GNAL: variants seen among roughly 807,000 people sequenced by gnomAD.
GNAL encodes G protein subunit alpha L.
In GNAL, 18 loss-of-function variants were observed where a neutral mutation model predicts 55.1. The observed-to-expected ratio is 0.33, with a 90% CI of 0.23 to 0.48. The LOEUF (loss-of-function observed/expected upper bound fraction) is 0.48. Ranked by LOEUF, GNAL falls within the 20% of genes least tolerant of loss-of-function variation. The probability of loss-of-function intolerance (pLI) is 0.99; values close to 1 mark genes in which losing one functional copy is unlikely to be tolerated. For missense variants in GNAL, 412 were observed against 614.1 expected (o/e 0.67, Z 3.48); for synonymous variants, 253 against 237.0 (o/e 1.07, Z -0.62).
At chr18:11,718,857 TC>T (rs2032031627) in intron 1 of GNAL, among the ~76,000 whole-genome samples, 1 of 152,260 alleles carries the variant, frequency 6.6e-6, no homozygotes, top group Non-Finnish European at 1.5e-5. Flanking sequence ...TGGCTTTTTT[TC>T]ATTATAGTTT....
At chr18:11,754,927 G>A (rs2032990700) in intron 4 of GNAL, among the ~76,000 whole-genome samples, 3 of 152,146 alleles carry the variant, frequency 2.0e-5, no homozygotes, top group African/African-American at 7.2e-5. Flanking sequence ...ATGTTTCAAA[G>A]GAAAAGTATT....
At chr18:11,702,332 C>G (rs1001785176) in intron 1 of GNAL, 1 of 152,212 alleles carries the variant, frequency 6.6e-6, no homozygotes, top group African/African-American at 2.4e-5. Context: ...AGTGCTGATC[C>G]CAGAGCCGGC....
At chr18:11,716,702 G>T (rs1273669291) in intron 1 of GNAL, among the ~76,000 whole-genome samples, 1 of 152,204 alleles carries the variant, frequency 6.6e-6, no homozygotes, top group African/African-American at 2.4e-5. Context: ...ACCCACCAGA[G>T]TAGCTAGATA....
At chr18:11,707,858 G>A (rs1392061993) in intron 1 of GNAL, among the ~76,000 whole-genome samples, 1 of 152,202 alleles carries the variant, frequency 6.6e-6, no homozygotes, top group Non-Finnish European at 1.5e-5. Context: ...ATGTTATGGA[G>A]ACAACTGTTT....
intron 5 of GNAL, among the ~76,000 whole-genome samples, chr18:11,831,952 T>C (rs2143689530): frequency 6.6e-6 from 1 of 152,342 alleles, no homozygotes; most frequent in Admixed American, 6.5e-5. Context: ...ATACTGTGTT[T>C]TCTGTAAAAG....
intron 1 of GNAL, among the ~76,000 whole-genome samples, chr18:11,750,134 G>A (rs1489148085): frequency 6.6e-6 from 1 of 152,198 alleles, no homozygotes; most frequent in Non-Finnish European, 1.5e-5. Flanking sequence ...CTCAGGAAAC[G>A]GACCCAACGG....
intron 7 of GNAL, 79 bp from the exon 8 acceptor site, chr18:11,867,089 A>G: frequency 9.1e-7 from 1 of 1,104,328 alleles, no homozygotes; most frequent in Non-Finnish European, 1.4e-6. Flanking sequence ...ACCTGCTGAT[A>G]GCAAAAGAGG....
At chr18:11,880,380 C>G (rs1436189134) in intron 11 of GNAL, among the ~76,000 whole-genome samples, 9 of 151,902 alleles carry the variant, frequency 5.9e-5, no homozygotes, top group African/African-American at 2.2e-4. Context: ...ACCAGCCTGG[C>G]CAACATGGTG....
chr18:11,884,185 G>A lies in GNAL; in HGVS notation c.*3050G>A, dbSNP rs1381719454. Reference sequence around the variant, plus strand: ...ACGACATTAATAGCATTTACATACTGTACAGATGCAACCTTTGATGATACA... The same window carrying A: ...ACGACATTAATAGCATTTACATACTATACAGATGCAACCTTTGATGATACA... On this transcript the variant is annotated 3_prime_UTR_variant, in exon 12 of 12. Transcript: ENST00000334049. 4.5e-6 allele frequency: 2 copies of A among 442,392 alleles called. No individual in the cohort carries two copies. Among genetic ancestry groups the A allele is most frequent in the African/African-American group, 3.9e-5 (2 of 50,808 alleles). 27.4% of individuals were successfully genotyped at this position (442,392 alleles called of 1,614,324 possible).
At chr18:11,784,584 T>C (rs930311671) in intron 4 of GNAL, among the ~76,000 whole-genome samples, 1 of 152,258 alleles carries the variant, frequency 6.6e-6, no homozygotes, top group Admixed American at 6.5e-5. Flanking sequence ...GTTCTTTTCA[T>C]TTTATTTTCT....
intron 1 of GNAL, among the ~76,000 whole-genome samples, chr18:11,743,932 C>T (rs914474959): frequency 4.6e-5 from 7 of 152,146 alleles, no homozygotes; most frequent in Non-Finnish European, 8.8e-5. Flanking sequence ...TGGTGGTCTT[C>T]GGGGATATTT....
chr18:11,825,912 T>G (rs1004015707), intron 5 of GNAL, among the ~76,000 whole-genome samples: 1 of 152,156 alleles, frequency 6.6e-6, no homozygotes, highest in Non-Finnish European at 1.5e-5. Flanking sequence ...TTTGCTGTTT[T>G]GATAATTAAA....
intron 4 of GNAL, among the ~76,000 whole-genome samples, chr18:11,785,934 A>G (rs1286679947): frequency 2.0e-5 from 3 of 152,208 alleles, no homozygotes; most frequent in Admixed American, 6.5e-5. Context: ...AAGGCAGAAA[A>G]TTATTAAAGT....
intron 5 of GNAL, chr18:11,854,563 C>T (rs2035959262): frequency 6.3e-6 from 1 of 158,196 alleles, no homozygotes; most frequent in African/African-American, 2.4e-5. Flanking sequence ...GGGCAGATCA[C>T]CTGAGGTCAG....
intron 1 of GNAL, among the ~76,000 whole-genome samples, chr18:11,739,963 T>A (rs1272993940): frequency 6.6e-6 from 1 of 152,080 alleles, no homozygotes; most frequent in East Asian, 1.9e-4. Flanking sequence ...TGCTGCCAAT[T>A]CCACCCGACC....
chr18:11,758,498 G>A (rs1383590769), intron 4 of GNAL, among the ~76,000 whole-genome samples: 2 of 152,176 alleles, frequency 1.3e-5, no homozygotes, highest in Non-Finnish European at 2.9e-5. Context: ...AAAAACTCCA[G>A]TTATCTTCAC....
At chr18:11,850,665 C>A (rs2035836044) in intron 5 of GNAL, among the ~76,000 whole-genome samples, 1 of 152,140 alleles carries the variant, frequency 6.6e-6, no homozygotes, top group African/African-American at 2.4e-5. Context: ...AGTGAAGTTC[C>A]TTGGATATTT....
chr18:11,834,599 T>C (rs537941242), intron 5 of GNAL, among the ~76,000 whole-genome samples: 6 of 151,780 alleles, frequency 4.0e-5, no homozygotes, highest in Non-Finnish European at 7.4e-5. Context: ...GTACCTGTAG[T>C]CCCAGCTACT....
chr18:11,873,376 T>A (rs2036443538), intron 10 of GNAL, among the ~76,000 whole-genome samples: 1 of 152,320 alleles, frequency 6.6e-6, no homozygotes, highest in South Asian at 2.1e-4. Flanking sequence ...CTGACCCTTG[T>A]GGGGCCTTCC....
Sources: allele counts gnomAD v4.1 joint callset (sites outside exome capture counted in the v4.1 genomes callset), GRCh38; gene constraint gnomAD v4.1.1; transcripts MANE v1.5; gene names NCBI Gene and HGNC (gene_info 2026-07-23, HGNC 2026-07-21).